The following RASGRP3 variants were observed in gnomAD, a reference collection of about 807,000 sequenced individuals.
RASGRP3 encodes the protein RAS guanyl releasing protein 3, also known as ras guanyl-releasing protein 3.
A neutral mutation model predicts 82.7 loss-of-function variants in RASGRP3; 54 were observed. That is an observed-to-expected ratio of 0.65 (90% CI 0.52 to 0.82). The LOEUF is 0.82. Ranked by LOEUF, RASGRP3 falls within the 40% of genes least tolerant of loss-of-function variation. The pLI is 0.00. For synonymous variants in RASGRP3, 309 were observed against 300.5 expected (o/e 1.03, Z -0.29); for missense variants, 861 against 828.9 (o/e 1.04, Z -0.48).
intron 12 of RASGRP3, among the ~76,000 whole-genome samples, chr2:33,540,942 C>T (rs1047361402): frequency 6.8e-6 from 1 of 146,226 alleles, no homozygotes; most frequent in Non-Finnish European, 1.5e-5. Flanking sequence ...ATTTTAGTCA[C>T]ATTTTTAATT....
chr2:33,467,980 TTTTCTTTC>T (rs60989460), intron 2 of RASGRP3, among the ~76,000 whole-genome samples: 15,417 of 115,608 alleles, frequency 0.13, 1,149 homozygotes, highest in Admixed American at 0.17. Flanking sequence ...TGGTGAGGCT[TTTTCTTTC>T]TTTCTTTCTT....
At chr2:33,446,023 T>A (rs1574220257) in intron 1 of RASGRP3, among the ~76,000 whole-genome samples, 1 of 152,244 alleles carries the variant, frequency 6.6e-6, no homozygotes, top group African/African-American at 2.4e-5. Context: ...AGACCTTTTT[T>A]AGGCTTTTAT....
intron 2 of RASGRP3, among the ~76,000 whole-genome samples, chr2:33,464,310 G>C (rs528000410): frequency 7.0e-4 from 105 of 149,742 alleles, no homozygotes; most frequent in South Asian, 3.8e-3. Flanking sequence ...AGTAGAGTCG[G>C]GGTCTTACCA....
rs907139899 is a variant in RASGRP3, at chr2:33,558,852, G to A, written c.1886G>A (p.Gly629Glu). 1.9e-6 allele frequency: 3 copies of A among 1,613,866 alleles called. No individual in the cohort carries two copies. Among genetic ancestry groups the A allele is most frequent in the Admixed American group, 1.7e-5 (1 of 59,994 alleles). ...TCAGAGGCTGGCTGGGGGGACTCGG[G>A]GTCCCACACCTTCCCTAAAATGAAA... ...VWSEAGWGDS[G>E]SHTFPKMKSK... is the part of the protein sequence containing the mutation. The change falls in exon 17 of 18, where the codon GGG becomes GAG. Residue 629 changes from glycine (G) to glutamate (E), a missense_variant. Coordinates refer to ENST00000403687, the MANE Select transcript of RASGRP3 (RefSeq NM_001139488.2).
In RASGRP3 at chr2:33,555,304, C is replaced by T. The variant is rs1675824679; in HGVS notation, c.1543-227C>T. On this transcript the variant is annotated intron_variant, in intron 14 of 17. Coordinates refer to ENST00000403687, the MANE Select transcript of RASGRP3 (RefSeq NM_001139488.2). ...ACTTTAGTAGTTTCCCATCCCGGCT[C>T]CCAGTTGGCTCTGAGAAAGAAAAGG... The T allele has an allele frequency of 1.0e-5, 4 of 384,290 alleles. No individual in the cohort carries two copies. The South Asian group carries it at 2.2e-4, about 21-fold the overall frequency. The allele number at this position is 384,290 out of a possible 1,614,324, so 23.8% of individuals were successfully genotyped here. A position where few individuals can be genotyped will look rare whatever the true frequency, so the allele number is the denominator to read the frequency against.
intron 1 of RASGRP3, among the ~76,000 whole-genome samples, chr2:33,498,429 A>G (rs1669533170): frequency 1.3e-5 from 2 of 152,238 alleles, no homozygotes; most frequent in Non-Finnish European, 2.9e-5. Flanking sequence ...CTTAGAAAAG[A>G]ACTCAGTAAA....
At chr2:33,438,628 G>C (rs963232324) in intron 1 of RASGRP3, among the ~76,000 whole-genome samples, 1 of 151,710 alleles carries the variant, frequency 6.6e-6, no homozygotes, top group South Asian at 2.1e-4. Flanking sequence ...CTTAGAAATT[G>C]CTTAATAGTT....
At chr2:33,524,711 C>G (rs1198831633) in intron 9 of RASGRP3, among the ~76,000 whole-genome samples, 163 bp downstream of exon 9, 1 of 152,162 alleles carries the variant, frequency 6.6e-6, no homozygotes, top group African/African-American at 2.4e-5. Flanking sequence ...ACCACACCAG[C>G]TGAGTCCACC....
chr2:33,516,720 C>A, intron 4 of RASGRP3, 76 bp downstream of exon 4: 1 of 1,003,886 alleles, frequency 1.0e-6, no homozygotes, highest in Non-Finnish European at 1.5e-6. Context: ...CTATCCAAAG[C>A]CAGTAAATTA....
chr2:33,487,720 G>A lies in RASGRP3; in HGVS notation c.-261+11013G>A, dbSNP rs1668516566. On this transcript the variant is annotated intron_variant, in intron 1 of 17. Transcript: ENST00000403687. ...AGTCCAGAAGTTTGAAGCCAGTTTG[G>A]GCAACATAGTGAGACCTCATCTCCA... Among the ~76,000 whole-genome samples the A allele has an allele frequency of 2.0e-5, 3 of 152,112 alleles. No homozygotes were observed. The South Asian group carries it at 6.2e-4, about 32-fold the overall frequency.
At position 33,515,109 on chromosome 2, in the gene RASGRP3, C is replaced by G; in HGVS notation, c.-28C>G. On this transcript the variant is annotated 5_prime_UTR_variant, in exon 3 of 18. Transcript: ENST00000403687. ...GGTCTATCTGATGCTGAAAATGTCTCTAGTTTTTTGACAACGGCTAAATAA... is the reference window on the plus strand; with the variant it reads ...GGTCTATCTGATGCTGAAAATGTCTGTAGTTTTTTGACAACGGCTAAATAA... The G allele has an allele frequency of 6.2e-7, 1 of 1,610,466 alleles. No homozygotes were observed. Among genetic ancestry groups the G allele is most frequent in the Non-Finnish European group, 8.5e-7 (1 of 1,176,728 alleles).
chr2:33,534,199 G>T, intron 10 of RASGRP3, 124 bp from the exon 11 acceptor site: 3 of 663,348 alleles, frequency 4.5e-6, no homozygotes, highest in South Asian at 1.8e-5. Flanking sequence ...TCTTTTTATT[G>T]TTCTGCATTT....
chr2:33,459,464 C>G lies in RASGRP3; in HGVS notation c.-261+11521C>G, dbSNP rs114306171. On this transcript the variant is annotated intron_variant, in intron 2 of 18. Coordinates refer to the RASGRP3 transcript ENST00000402538. ...TTTTTAAGTCTATAACTTTGCATTG[C>G]TTTTAGTTCATTTTTGGAAAAATAA... Among the ~76,000 whole-genome samples, 748 of 152,164 alleles carry G rather than the reference C, an allele frequency of 4.9e-3. 6 individuals are homozygous for G. The highest frequency in any genetic ancestry group is 0.017 in the African/African-American group (713 of 41,478).
At chr2:33,508,090 T>C (rs556116857) in intron 1 of RASGRP3, among the ~76,000 whole-genome samples, 1 of 152,330 alleles carries the variant, frequency 6.6e-6, no homozygotes, top group East Asian at 1.9e-4. Flanking sequence ...CCCAGATTTC[T>C]AGCTAGATAT....
intron 7 of RASGRP3, 64 bp downstream of exon 7, chr2:33,522,166 G>T: frequency 4.6e-6 from 7 of 1,526,120 alleles, no homozygotes; most frequent in South Asian, 1.3e-5. Context: ...CCCAAGAGCT[G>T]CATTTTCATA....
chr2:33,508,500 T>C (rs1284183323), intron 1 of RASGRP3, among the ~76,000 whole-genome samples: 3 of 152,078 alleles, frequency 2.0e-5, no homozygotes, highest in Non-Finnish European at 4.4e-5. Flanking sequence ...TTCAATGCAA[T>C]AGCAGGAGAG....
intron 1 of RASGRP3, among the ~76,000 whole-genome samples, chr2:33,479,938 T>C (rs1667740360): frequency 6.6e-6 from 1 of 152,120 alleles, no homozygotes. Context: ...CAAGCAAGTA[T>C]GCCATGTGTG....
At chr2:33,508,431 G>A (rs146912306) in intron 1 of RASGRP3, among the ~76,000 whole-genome samples, 271 of 152,326 alleles carry the variant, frequency 1.8e-3, no homozygotes, top group African/African-American at 5.9e-3. Flanking sequence ...GAGGACAAGA[G>A]TAAGGGATCC....
intron 2 of RASGRP3, among the ~76,000 whole-genome samples, chr2:33,450,372 ACCT>A (rs1462200894): frequency 6.6e-6 from 1 of 151,898 alleles, no homozygotes; most frequent in Non-Finnish European, 1.5e-5. Flanking sequence ...TTTGATCAAA[ACCT>A]CCTCATTCTC....
Sources: gnomAD v4.1 joint callset for allele counts (sites outside exome capture counted in the v4.1 genomes callset) on GRCh38, gnomAD v4.1.1 for gene constraint, MANE v1.5 for transcripts, NCBI Gene and HGNC (gene_info 2026-07-23, HGNC 2026-07-21) for gene names.